Variants in CEP126 observed in about 807,000 individuals in gnomAD.
CEP126 encodes centrosomal protein 126, also known as centrosomal protein of 126 kDa.
A neutral mutation model predicts 107.8 loss-of-function variants in CEP126; 74 were observed. The observed-to-expected ratio is 0.69, with a 90% CI of 0.57 to 0.83. CEP126 has a LOEUF of 0.83. CEP126 is among the 40% of genes least tolerant of loss of function. The probability of loss-of-function intolerance (pLI) is 0.00; values close to 1 mark genes in which losing one functional copy is unlikely to be tolerated. For missense variants in CEP126, 1,237 were observed against 1,281.9 expected, an observed-to-expected ratio of 0.96 and a Z score of 0.53; for synonymous variants, 449 against 446.0, an observed-to-expected ratio of 1.01 and a Z score of -0.08.
chr11:101,935,644 C>T (rs1940566490), intron 2 of CEP126, among the ~76,000 whole-genome samples: 1 of 152,068 alleles, frequency 6.6e-6, no homozygotes, highest in South Asian at 2.1e-4. Context: ...GGGTCTACTT[C>T]TGTGCTCTGT....
In CEP126 at chr11:101,961,903, T is replaced by A. The variant is rs746464213; in HGVS notation, c.868T>A (p.Ser290Thr). Residue 290 changes from serine (S) to threonine (T), a missense_variant, in exon 6 of 11, where the codon TCA becomes ACA. By Grantham distance (58) the Ser-to-Thr change is moderately conservative. Transcript: ENST00000263468. ...TISLKPANMQSTNLSCFDEDK... is the reference protein window; with the variant it reads ...TISLKPANMQTTNLSCFDEDK... ...TTCCCTCAAACCAGCAAATATGCAA[T>A]CAACTAATCTCAGCTGCTTTGATGA... The A allele has an allele frequency of 1.2e-6, 2 of 1,613,108 alleles. No individual in the cohort carries two copies. The highest frequency in any genetic ancestry group is 2.2e-5 in the South Asian group (2 of 90,852).
At position 101,915,260 on chromosome 11, in the gene CEP126, C is replaced by T. The variant is rs1433757747; in HGVS notation, c.-25C>T. The T allele has an allele frequency of 1.2e-6, 2 of 1,612,024 alleles. No individual in the cohort carries two copies. Among genetic ancestry groups the T allele is most frequent in the Non-Finnish European group, 1.7e-6 (2 of 1,179,318 alleles). Reference sequence around the variant, plus strand: ...CCATGAGGGAGGTTCTGGGGGCGAGCAGACAGGCGGCGCTGAAGTGAAGGA... The same window carrying T: ...CCATGAGGGAGGTTCTGGGGGCGAGTAGACAGGCGGCGCTGAAGTGAAGGA... On this transcript the variant is annotated 5_prime_UTR_variant, in exon 1 of 11. Coordinates refer to ENST00000263468, the MANE Select transcript of CEP126 (RefSeq NM_020802.4).
At chr11:101,963,951 A>G (rs965399667) in intron 6 of CEP126, 71 bp downstream of exon 6, 3 of 997,084 alleles carry the variant, frequency 3.0e-6, no homozygotes, top group Non-Finnish European at 4.5e-6. Flanking sequence ...AATTGTTCCT[A>G]TTTATGTATG....
At chr11:101,978,299 G>T in intron 6 of CEP126, 48 bp from the exon 7 acceptor site, 1 of 1,242,800 alleles carries the variant, frequency 8.0e-7, no homozygotes, top group Non-Finnish European at 1.2e-6. Context: ...GTATATATTG[G>T]CTACTCAACT....
intron 4 of CEP126, among the ~76,000 whole-genome samples, chr11:101,950,410 T>C (rs1940795528): frequency 6.6e-6 from 1 of 152,160 alleles, no homozygotes; most frequent in African/African-American, 2.4e-5. Context: ...TCTAGAAAGG[T>C]AGAGTAGGAT....
intron 8 of CEP126, among the ~76,000 whole-genome samples, chr11:101,984,737 G>A (rs541726948): frequency 1.3e-5 from 2 of 152,264 alleles, no homozygotes; most frequent in East Asian, 3.9e-4. Context: ...TGAGGCAAAA[G>A]TCTCTGGAAG....
chr11:101,947,266 T>C (rs1000406529), intron 3 of CEP126, among the ~76,000 whole-genome samples: 1 of 152,188 alleles, frequency 6.6e-6, no homozygotes, highest in African/African-American at 2.4e-5. Flanking sequence ...CCTTGAGTTA[T>C]TTATAGTATG....
intron 6 of CEP126, among the ~76,000 whole-genome samples, chr11:101,977,492 A>G: frequency 6.6e-6 from 1 of 151,774 alleles, no homozygotes; most frequent in South Asian, 2.1e-4. Flanking sequence ...TTAGCTTGGC[A>G]TGGTGGCATG....
chr11:101,926,408 C>T (rs935337518), intron 2 of CEP126, among the ~76,000 whole-genome samples: 5 of 152,178 alleles, frequency 3.3e-5, no homozygotes, highest in Non-Finnish European at 7.3e-5. Flanking sequence ...GGAAGAGTAT[C>T]AGGAGAGGAA....
intron 4 of CEP126, chr11:101,956,100 C>A: frequency 2.2e-6 from 1 of 456,752 alleles, no homozygotes; most frequent in South Asian, 1.5e-5. Context: ...TCTTGCCCAC[C>A]TGGCCATCCA....
Position 101,915,168 on chromosome 11 carries a change from G to A in CEP126, c.-117G>A, listed in dbSNP as rs1591263126. ...TGTCGAGGCCAACCCTTCCGCGCCC[G>A]TGACGCGGGGCCTGAGAGACGGAGT... On this transcript the variant is annotated 5_prime_UTR_variant, in exon 1 of 11. The change creates a new upstream start codon in the 5' untranslated region. Transcript: ENST00000263468. 6.8e-7 allele frequency: 1 copy of A among 1,479,872 alleles called. No homozygotes were observed. Among genetic ancestry groups the A allele is most frequent in the Non-Finnish European group, 9.1e-7 (1 of 1,094,884 alleles). The allele number at this position is 1,479,872 out of a possible 1,614,324, so 91.7% of individuals were successfully genotyped here.
intron 2 of CEP126, among the ~76,000 whole-genome samples, chr11:101,931,882 G>C (rs901922427): frequency 1.6e-4 from 24 of 152,158 alleles, no homozygotes; most frequent in African/African-American, 5.3e-4. Flanking sequence ...CATAGCTGTA[G>C]ACCCCAGGAA....
intron 4 of CEP126, among the ~76,000 whole-genome samples, chr11:101,952,396 T>C (rs1940824781): frequency 6.6e-6 from 1 of 152,128 alleles, no homozygotes; most frequent in South Asian, 2.1e-4. Flanking sequence ...AGGAGAACAC[T>C]GAAAGCAGTA....
chr11:101,956,593 C>A, intron 4 of CEP126: 1 of 456,262 alleles, frequency 2.2e-6, no homozygotes, highest in South Asian at 1.5e-5. Flanking sequence ...TTTCTTCCTC[C>A]TCATCTATTC....
At chr11:101,986,299 T>G (rs1941316073) in intron 8 of CEP126, among the ~76,000 whole-genome samples, 2 of 152,160 alleles carry the variant, frequency 1.3e-5, no homozygotes, top group Admixed American at 1.3e-4. Flanking sequence ...GATTCTTTTA[T>G]AAGCAAAAAC....
chr11:101,945,542 T>TGG (rs1940722950), intron 3 of CEP126, among the ~76,000 whole-genome samples: 1 of 152,198 alleles, frequency 6.6e-6, no homozygotes, highest in African/African-American at 2.4e-5. Context: ...CTAGTAAAAC[T>TGG]GCGCTAAATA....
At chr11:101,919,147 G>C (rs1940282108) in intron 1 of CEP126, among the ~76,000 whole-genome samples, 2 of 152,162 alleles carry the variant, frequency 1.3e-5, no homozygotes, top group African/African-American at 4.8e-5. Flanking sequence ...GGTTCAAATA[G>C]AGGTTTAGAG....
chr11:101,931,733 C>T (rs950227286), intron 2 of CEP126, among the ~76,000 whole-genome samples: 5 of 152,110 alleles, frequency 3.3e-5, no homozygotes, highest in Admixed American at 2.6e-4. Context: ...TCACAAAAGG[C>T]AAGTTCTTCA....
Position 101,961,821 on chromosome 11 carries a change from A to G in CEP126, c.786A>G (p.Glu262=). 1.2e-6 allele frequency: 2 copies of G among 1,610,754 alleles called. No individual in the cohort carries two copies. The highest frequency in any genetic ancestry group is 1.1e-5 in the South Asian group (1 of 90,288). The change falls in exon 6 of 11, where the codon GAA becomes GAG. Residue 262 remains glutamate (E), a synonymous_variant. Coordinates refer to ENST00000263468, the MANE Select transcript of CEP126 (RefSeq NM_020802.4). The part of the protein sequence containing the change: ...SIDSLEATEH[E]EIYLTLNKEH... Reference sequence around the variant, plus strand: ...ACAGTCTTGAGGCTACAGAGCATGAAGAAATATATTTAACACTTAATAAGG... The same window carrying G: ...ACAGTCTTGAGGCTACAGAGCATGAGGAAATATATTTAACACTTAATAAGG...
Sources: allele counts gnomAD v4.1 joint callset (sites outside exome capture counted in the v4.1 genomes callset), GRCh38; gene constraint gnomAD v4.1.1; transcripts MANE v1.5; gene names NCBI Gene and HGNC (gene_info 2026-07-23, HGNC 2026-07-21).